The following STOX2 variants were observed in gnomAD, a reference collection of about 807,000 sequenced individuals.
The protein encoded by STOX2 is storkhead-box protein 2.
STOX2 carries 28 observed loss-of-function variants against 60.9 expected under a neutral mutation model. The ratio of observed to expected loss-of-function variants is 0.46; its 90% CI spans 0.34 to 0.63. The LOEUF (loss-of-function observed/expected upper bound fraction) is 0.63, where lower values mean the gene tolerates loss of function less well. Ranked by LOEUF, STOX2 falls within the 30% of genes least tolerant of loss-of-function variation. The pLI is 0.01. For synonymous variants in STOX2, 472 were observed against 463.9 expected (o/e 1.02, Z -0.22); for missense variants, 1,024 against 1,187.7 (o/e 0.86, Z 2.03).
At chr4:183,938,584 GC>G (rs1262907100) in intron 1 of STOX2, among the ~76,000 whole-genome samples, 4 of 143,730 alleles carry the variant, frequency 2.8e-5, no homozygotes, top group Non-Finnish European at 4.5e-5. Flanking sequence ...CAGGAGAATT[GC>G]TTGAACCCAG....
chr4:183,869,349 A>C (rs185315447), intron 1 of STOX2, among the ~76,000 whole-genome samples: 21 of 152,316 alleles, frequency 1.4e-4, no homozygotes, highest in Admixed American at 4.6e-4. Flanking sequence ...TCTGTGGTGC[A>C]TATCAATTGA....
chr4:184,009,833 C>T lies in STOX2; in HGVS notation c.995C>T (p.Ala332Val), dbSNP rs749643820. 3.1e-6 allele frequency: 5 copies of T among 1,611,672 alleles called. No individual in the cohort carries two copies. Among genetic ancestry groups the T allele is most frequent in the African/African-American group, 1.3e-5 (1 of 74,982 alleles). Residue 332 changes from alanine to valine, a missense_variant, in exon 3 of 4, where the codon GCG becomes GTG. Physicochemically the swap from Ala to Val is moderately conservative, Grantham distance 64 (BLOSUM62 0). This residue lies in a region of STOX2 where 922 missense variants were observed against 1,058.3 expected (regional missense o/e 0.87). Coordinates refer to ENST00000308497, the MANE Select transcript of STOX2 (RefSeq NM_020225.3). This position sits in a 1 kb window ranked among gnomAD's most constrained non-coding sequence, Gnocchi z 4.0. ...LTVENVMRHT[A>V]LMKKLEEEKA... ...GTGGAAAATGTCATGCGGCACACCG[C>T]GCTCATGAAGAAACTGGAAGAAGAA...
intron 1 of STOX2, among the ~76,000 whole-genome samples, chr4:183,874,174 G>GA (rs112881819): frequency 5.9e-4 from 89 of 151,502 alleles, no homozygotes; most frequent in African/African-American, 2.1e-3. Flanking sequence ...GAGACTTGGA[G>GA]AAAAAAAAAT....
chr4:184,009,616 G>A lies in STOX2; in HGVS notation c.778G>A (p.Glu260Lys). The change falls in exon 3 of 4, where the codon GAA (glutamate) becomes AAA (lysine). Residue 260 changes from glutamate to lysine, a missense_variant. Transcript: ENST00000308497. This position sits in a 1 kb window ranked among gnomAD's most constrained non-coding sequence, Gnocchi z 4.0. ...AACTCTCTCAAAACCTAAAGATAGT[G>A]AAAAGCAGTCAAAAAAATTCGGGCT... is the stretch of plus-strand genomic sequence containing the variant. ...TETLSKPKDS[E>K]KQSKKFGLKL... is the part of the protein sequence containing the mutation. 6.2e-7 allele frequency: 1 copy of A among 1,613,888 alleles called. No homozygotes were observed. The highest frequency in any genetic ancestry group is 8.5e-7 in the Non-Finnish European group (1 of 1,179,860).
intron 1 of STOX2, among the ~76,000 whole-genome samples, chr4:183,928,352 A>C (rs116796032): frequency 8.5e-4 from 129 of 152,310 alleles, no homozygotes; most frequent in African/African-American, 3.1e-3. Flanking sequence ...TTTAAAACAA[A>C]ATGAAACAGC....
rs1338487787 is a variant in STOX2 at position 183,905,820 on chromosome 4, G to C, written c.-971G>C. ...ATAGCCGTTCCGCGCGCTCGCGCCGGAGCAGCGCTGCCGCCGCGCGGGGGT... is the reference window on the plus strand; with the variant it reads ...ATAGCCGTTCCGCGCGCTCGCGCCGCAGCAGCGCTGCCGCCGCGCGGGGGT... On this transcript the variant is annotated 5_prime_UTR_variant, in exon 1 of 4. Coordinates refer to ENST00000308497, the MANE Select transcript of STOX2 (RefSeq NM_020225.3). The C allele has an allele frequency of 6.6e-6, 1 of 152,198 alleles. No individual in the cohort carries two copies. Among genetic ancestry groups the C allele is most frequent in the African/African-American group, 2.4e-5 (1 of 41,448 alleles). The allele number at this position is 152,198 out of a possible 1,614,324, so 9.4% of individuals were successfully genotyped here.
At chr4:183,847,002 A>G (rs1034716202) in intron 1 of STOX2, among the ~76,000 whole-genome samples, 1 of 152,220 alleles carries the variant, frequency 6.6e-6, no homozygotes, top group African/African-American at 2.4e-5. Context: ...ATGTATGTCC[A>G]TGGAAGCTTA....
intron 1 of STOX2, among the ~76,000 whole-genome samples, chr4:183,876,905 C>T (rs1371230794): frequency 2.0e-5 from 3 of 152,180 alleles, no homozygotes; most frequent in East Asian, 1.9e-4. Flanking sequence ...AGACTGAGAA[C>T]GGTTGACAGT....
chr4:183,938,249 A>C (rs543739390), intron 1 of STOX2, among the ~76,000 whole-genome samples: 1 of 152,374 alleles, frequency 6.6e-6, no homozygotes, highest in African/African-American at 2.4e-5. Flanking sequence ...CTCTACTGTA[A>C]CTGTTATTAA....
At chr4:183,911,746 C>CG (rs1273375770) in intron 1 of STOX2, among the ~76,000 whole-genome samples, 46 of 152,306 alleles carry the variant, frequency 3.0e-4, no homozygotes, top group Middle Eastern at 3.4e-3. Context: ...CTTTGGTACA[C>CG]GGTTGCTTAG....
At chr4:183,877,807 A>T (rs954776942) in intron 1 of STOX2, among the ~76,000 whole-genome samples, 1 of 152,058 alleles carries the variant, frequency 6.6e-6, no homozygotes, top group South Asian at 2.1e-4. Flanking sequence ...CAGCCTCCCA[A>T]GTAGCTGGGA....
intron 1 of STOX2, among the ~76,000 whole-genome samples, chr4:183,850,879 A>AGAAACGATGAGG (rs1740103899): frequency 2.1e-5 from 2 of 93,364 alleles, no homozygotes; most frequent in African/African-American, 8.2e-5. Flanking sequence ...AAAGGATGAG[A>AGAAACGATGAGG]GAAAGGATGA....
At chr4:184,006,995 G>A (rs113309963) in intron 2 of STOX2, among the ~76,000 whole-genome samples, 3,616 of 117,706 alleles carry the variant, frequency 0.031, 196 homozygotes, top group African/African-American at 0.13. Context: ...CAGCCTGGGC[G>A]ACAGAGCGAG....
chr4:184,016,108 C>T (rs898170873), intron 3 of STOX2: 2 of 152,210 alleles, frequency 1.3e-5, no homozygotes, highest in African/African-American at 4.8e-5. Context: ...CACGTATAAT[C>T]CCAGCATTTT....
chr4:183,999,822 C>CT (rs1733507990), intron 1 of STOX2, among the ~76,000 whole-genome samples: 1 of 152,182 alleles, frequency 6.6e-6, no homozygotes, highest in Admixed American at 6.5e-5. Flanking sequence ...CTGGGCATGG[C>CT]TTTAAGTGCC....
In STOX2 at chr4:184,017,489, A is replaced by G; in HGVS notation, c.*205A>G. 5.8e-6 allele frequency: 3 copies of G among 516,076 alleles called. No homozygotes were observed. Among genetic ancestry groups the G allele is most frequent in the Non-Finnish European group, 1.0e-5 (3 of 293,152 alleles). 32.0% of individuals were successfully genotyped at this position (516,076 alleles called of 1,614,324 possible). A position where few individuals can be genotyped will look rare whatever the true frequency, so the allele number is the denominator to read the frequency against. On this transcript the variant is annotated 3_prime_UTR_variant, in exon 4 of 4. Transcript: ENST00000308497. ...TTTTCACATTTATGGCTCTGTAGCAACTGAGTAACAGTAGGGGTGATATGT... is the reference window on the plus strand; with the variant it reads ...TTTTCACATTTATGGCTCTGTAGCAGCTGAGTAACAGTAGGGGTGATATGT...
chr4:183,816,896 A>G (rs1739166569), intron 1 of STOX2, among the ~76,000 whole-genome samples: 1 of 152,222 alleles, frequency 6.6e-6, no homozygotes, highest in African/African-American at 2.4e-5. Context: ...GGAAATGGGG[A>G]TGAAATTCCA....
chr4:183,952,589 C>T (rs992086665), intron 1 of STOX2, among the ~76,000 whole-genome samples: 1 of 152,094 alleles, frequency 6.6e-6, no homozygotes, highest in Non-Finnish European at 1.5e-5. Flanking sequence ...ATAGAAAGAA[C>T]AGAATAAAAA....
At chr4:183,902,623 A>G (rs1016184519), upstream of STOX2, among the ~76,000 whole-genome samples, 9 of 152,192 alleles carry the variant, frequency 5.9e-5, no homozygotes, top group African/African-American at 1.4e-4. Flanking sequence ...GACTCTTTCC[A>G]TCATAACACA....
Sources: gnomAD v4.1 joint callset for allele counts (sites outside exome capture counted in the v4.1 genomes callset) on GRCh38, gnomAD v4.1.1 for gene constraint, gnomAD v4.1.1 regional missense constraint, Gnocchi (gnomAD v3.1) non-coding constraint, MANE v1.5 for transcripts, NCBI Gene and HGNC (gene_info 2026-07-23, HGNC 2026-07-21) for gene names.